LMBR1: variants seen among roughly 807,000 people sequenced by gnomAD.
LMBR1 encodes the protein limb region 1 protein homolog.
Under a neutral mutation model 73.9 loss-of-function variants are expected in LMBR1, and 52 were observed. That is an observed-to-expected ratio of 0.70 (90% CI 0.56 to 0.89). The LOEUF (loss-of-function observed/expected upper bound fraction) is 0.89. Ranked by LOEUF, LMBR1 falls within the 40% of genes least tolerant of loss-of-function variation. The pLI is 0.00. For synonymous variants in LMBR1, 215 were observed against 209.4 expected (o/e 1.03, Z -0.23); for missense variants, 539 against 579.8 (o/e 0.93, Z 0.72).
chr7:156,841,818 A>C (rs1395354725), intron 1 of LMBR1, among the ~76,000 whole-genome samples: 1 of 152,126 alleles, frequency 6.6e-6, no homozygotes, highest in African/African-American at 2.4e-5. Flanking sequence ...ACTTTCCAGG[A>C]GTTTGATTAT....
intron 1 of LMBR1, among the ~76,000 whole-genome samples, chr7:156,888,865 G>A (rs1183076474): frequency 2.0e-5 from 3 of 152,076 alleles, no homozygotes; most frequent in Admixed American, 2.0e-4. Flanking sequence ...GACCAGCCTG[G>A]CCAACATGGT....
At position 156,892,985 on chromosome 7, in the gene LMBR1, C is replaced by T; in HGVS notation, c.9G>A (p.Gly3=). ...GCTCCCGCGCCGACACCTCGTCCTG[C>T]CCTTCCATCCTCCTTCATGCCCGCC... The part of the protein sequence containing the change: ME[G]QDEVSAREQH... Residue 3 remains glycine (G), a synonymous_variant, in exon 1 of 17, where the codon GGG becomes GGA. Coordinates refer to ENST00000353442, the MANE Select transcript of LMBR1 (RefSeq NM_022458.4). The T allele has an allele frequency of 2.6e-6, 4 of 1,535,526 alleles. No individual in the cohort carries two copies. Among genetic ancestry groups the T allele is most frequent in the Middle Eastern group, 1.7e-4 (1 of 5,850 alleles).
intron 1 of LMBR1, among the ~76,000 whole-genome samples, chr7:156,853,100 G>A (rs774489065): frequency 7.3e-5 from 11 of 151,714 alleles, no homozygotes; most frequent in Admixed American, 3.3e-4. Flanking sequence ...CACCACACCC[G>A]GCTAATTTTT....
intron 1 of LMBR1, among the ~76,000 whole-genome samples, chr7:156,889,671 G>C (rs1314163754): frequency 6.6e-6 from 1 of 152,162 alleles, no homozygotes; most frequent in Non-Finnish European, 1.5e-5. Flanking sequence ...ACCGTTTTCA[G>C]GGGAGTAGAC....
Position 156,872,908 on chromosome 7 carries a change from A to G in LMBR1, c.66+20020T>C, listed in dbSNP as rs149085986. On this transcript the variant is annotated intron_variant, in intron 1 of 16. Coordinates refer to ENST00000353442, the MANE Select transcript of LMBR1 (RefSeq NM_022458.4). ...TCTGAAAGAAGCAGATTGCTCCTGC[A>G]GGACCCAGGAGGCAGTCCAAATGTG... is the stretch of plus-strand genomic sequence containing the variant. Among the ~76,000 whole-genome samples, 638 of 152,302 alleles carry G rather than the reference A, an allele frequency of 4.2e-3. 2 individuals carry two copies. Among genetic ancestry groups the G allele is most frequent in the African/African-American group, 0.015 (615 of 41,572 alleles).
chr7:156,799,639 T>C (rs1460462766), intron 4 of LMBR1, among the ~76,000 whole-genome samples: 1 of 152,202 alleles, frequency 6.6e-6, no homozygotes, highest in African/African-American at 2.4e-5. Flanking sequence ...AATCCTACAA[T>C]GTCCTCTAAG....
intron 4 of LMBR1, among the ~76,000 whole-genome samples, chr7:156,801,481 T>C (rs1830963822): frequency 6.6e-6 from 1 of 152,232 alleles, no homozygotes; most frequent in Admixed American, 6.5e-5. Flanking sequence ...CACAGTACAC[T>C]GGAACCAACC....
At chr7:156,701,065 C>A (rs1033344514) in intron 15 of LMBR1, among the ~76,000 whole-genome samples, 2 of 152,104 alleles carry the variant, frequency 1.3e-5, no homozygotes, top group African/African-American at 4.8e-5. Context: ...AAGGGAAAGG[C>A]CTGCCCCCAT....
chr7:156,698,685 T>C (rs1327483533), intron 15 of LMBR1, among the ~76,000 whole-genome samples: 2 of 152,180 alleles, frequency 1.3e-5, no homozygotes, highest in Admixed American at 6.5e-5. Flanking sequence ...CTAGACTGCA[T>C]ACAGCAGAGG....
At chr7:156,691,793 G>A (rs2131933631) in intron 15 of LMBR1, among the ~76,000 whole-genome samples, 1 of 151,976 alleles carries the variant, frequency 6.6e-6, no homozygotes, top group East Asian at 1.9e-4. Context: ...ATTAGGATTA[G>A]CATACTTTTT....
chr7:156,815,639 C>T (rs1456419235), intron 4 of LMBR1, among the ~76,000 whole-genome samples: 3 of 152,176 alleles, frequency 2.0e-5, no homozygotes, highest in Non-Finnish European at 2.9e-5. Context: ...GATGGGGATG[C>T]TGAGCTAGGC....
At chr7:156,763,898 G>A (rs1175266930) in intron 5 of LMBR1, 103 bp from the exon 6 acceptor site, 3 of 852,330 alleles carry the variant, frequency 3.5e-6, no homozygotes, top group South Asian at 3.4e-5. Context: ...TGGAAGGAGA[G>A]GAAATTTATA....
intron 1 of LMBR1, among the ~76,000 whole-genome samples, chr7:156,845,146 A>G (rs1041280432): frequency 2.0e-5 from 3 of 152,196 alleles, no homozygotes; most frequent in Admixed American, 1.3e-4. Flanking sequence ...GATTATTTGA[A>G]TGTATCAAAT....
At chr7:156,829,306 C>T (rs1836250496) in intron 3 of LMBR1, among the ~76,000 whole-genome samples, 1 of 152,216 alleles carries the variant, frequency 6.6e-6, no homozygotes, top group East Asian at 1.9e-4. Context: ...TATCTGTCCC[C>T]TCCAAATATC....
intron 5 of LMBR1, among the ~76,000 whole-genome samples, chr7:156,770,822 G>A (rs1437297217): frequency 5.3e-5 from 8 of 152,154 alleles, no homozygotes; most frequent in Non-Finnish European, 7.3e-5. Flanking sequence ...GCTGAAGTGG[G>A]AAGATCACTT....
intron 3 of LMBR1, among the ~76,000 whole-genome samples, chr7:156,831,874 G>A (rs544201236): frequency 6.6e-6 from 1 of 152,370 alleles, no homozygotes; most frequent in South Asian, 2.1e-4. Flanking sequence ...ACTGAATGGA[G>A]AGGAGAAAGG....
chr7:156,749,556 CTTGT>C (rs1271581908), intron 9 of LMBR1, among the ~76,000 whole-genome samples: 1 of 152,054 alleles, frequency 6.6e-6, no homozygotes, highest in Non-Finnish European at 1.5e-5. Flanking sequence ...TAAGACATGT[CTTGT>C]TTTTTTTCAA....
chr7:156,814,668 T>C (rs1271796911), intron 4 of LMBR1, among the ~76,000 whole-genome samples: 1 of 152,262 alleles, frequency 6.6e-6, no homozygotes, highest in African/African-American at 2.4e-5. Flanking sequence ...CGTAGCACTT[T>C]ACGTCTAACA....
intron 4 of LMBR1, among the ~76,000 whole-genome samples, chr7:156,805,940 T>A (rs1358654612): frequency 6.6e-6 from 1 of 152,138 alleles, no homozygotes; most frequent in Admixed American, 6.6e-5. Flanking sequence ...CATGGAAGGA[T>A]GCGAGGAGAC....
Sources: gnomAD v4.1 joint callset for allele counts (sites outside exome capture counted in the v4.1 genomes callset) on GRCh38, gnomAD v4.1.1 for gene constraint, MANE v1.5 for transcripts, NCBI Gene and HGNC (gene_info 2026-07-23, HGNC 2026-07-21) for gene names.